FARP1: variants seen among roughly 807,000 people sequenced by gnomAD.
The protein encoded by FARP1 is FERM, ARHGEF and pleckstrin domain-containing protein 1.
In FARP1, 52 loss-of-function variants were observed where a neutral mutation model predicts 128.8. The ratio of observed to expected loss-of-function variants is 0.40; its 90% CI spans 0.32 to 0.51. The LOEUF is 0.51. Ranked by LOEUF, FARP1 falls within the 20% of genes least tolerant of loss-of-function variation. The pLI is 0.45. For synonymous variants in FARP1, 580 were observed against 551.8 expected, an observed-to-expected ratio of 1.05 and a Z score of -0.72; for missense variants, 1,333 against 1,367.9, an observed-to-expected ratio of 0.97 and a Z score of 0.40.
In FARP1 at chr13:98,418,839, G is replaced by A. The variant is rs565566361; in HGVS notation, c.1827-5733G>A. Among the ~76,000 whole-genome samples the A allele has an allele frequency of 1.9e-4, 29 of 152,234 alleles. No individual in the cohort carries two copies. In the East Asian group the frequency reaches 2.7e-3, roughly 14 times the overall value. ...CCCTGTTGATAACAGGAATGATACC[G>A]GGGCTCACCTGGATGCTATCAAACC... On this transcript the variant is annotated intron_variant, in intron 16 of 26. Coordinates refer to ENST00000319562, the MANE Select transcript of FARP1 (RefSeq NM_005766.4).
rs1594197803 is a variant in FARP1 at position 98,147,976 on chromosome 13, G to C, written c.-24+4484G>C. 3.9e-5 allele frequency among the ~76,000 whole-genome samples: 6 copies of C among 152,266 alleles called. No individual in the cohort carries two copies. In the South Asian group the frequency reaches 1.2e-3, roughly 32 times the overall value. ...AGGAAACTTGTTATTAGAATTGATA[G>C]ATTGCAGTTCTGGCAGTTTGATATT... is the stretch of plus-strand genomic sequence containing the variant. On this transcript the variant is annotated intron_variant, in intron 1 of 26. Coordinates refer to ENST00000319562, the MANE Select transcript of FARP1 (RefSeq NM_005766.4).
At chr13:98,334,889 C>A (rs565404053) in intron 2 of FARP1, among the ~76,000 whole-genome samples, 4 of 152,158 alleles carry the variant, frequency 2.6e-5, no homozygotes, top group Non-Finnish European at 5.9e-5. Flanking sequence ...AGACTTCACA[C>A]CCTCCAGAAC....
chr13:98,350,495 C>G (rs571733790), intron 3 of FARP1, among the ~76,000 whole-genome samples: 13 of 152,236 alleles, frequency 8.5e-5, no homozygotes, highest in African/African-American at 3.1e-4. Context: ...CATTATCATT[C>G]ATTCACTGCG....
intron 1 of FARP1, among the ~76,000 whole-genome samples, chr13:98,190,255 T>C (rs1879133980): frequency 1.3e-5 from 2 of 152,256 alleles, no homozygotes; most frequent in African/African-American, 4.8e-5. Flanking sequence ...GGAACAATTA[T>C]GGTGCAAACC....
chr13:98,440,350 G>A (rs1411827048), intron 23 of FARP1, 115 bp downstream of exon 23: 1 of 784,274 alleles, frequency 1.3e-6, no homozygotes, highest in South Asian at 1.5e-5. Context: ...GTACATTTGT[G>A]TTTAAAGCCA....
chr13:98,309,769 T>C (rs1460701817), intron 2 of FARP1, among the ~76,000 whole-genome samples: 1 of 152,248 alleles, frequency 6.6e-6, no homozygotes, highest in Non-Finnish European at 1.5e-5. Context: ...ACTGTGCCTG[T>C]GTAGGCAACA....
chr13:98,170,888 A>C (rs1401294897), intron 1 of FARP1, among the ~76,000 whole-genome samples: 2 of 152,258 alleles, frequency 1.3e-5, no homozygotes, highest in East Asian at 3.9e-4. Context: ...TCTTTGGCTG[A>C]TCCAAGGCAC....
At chr13:98,290,215 A>C (rs1241119677) in intron 2 of FARP1, among the ~76,000 whole-genome samples, 1 of 152,120 alleles carries the variant, frequency 6.6e-6, no homozygotes, top group Non-Finnish European at 1.5e-5. Context: ...TAACTACATC[A>C]TATGCCAGGT....
chr13:98,350,441 C>T (rs1285752124), intron 3 of FARP1, among the ~76,000 whole-genome samples: 1 of 152,182 alleles, frequency 6.6e-6, no homozygotes, highest in Admixed American at 6.5e-5. Flanking sequence ...GACACTGTGC[C>T]TTCGTGTGGC....
intron 16 of FARP1, among the ~76,000 whole-genome samples, chr13:98,415,383 T>A (rs7984221): frequency 3.3e-5 from 5 of 152,130 alleles, no homozygotes; most frequent in South Asian, 2.1e-4. Flanking sequence ...TGCCATAGAC[T>A]GGTTATAACT....
intron 2 of FARP1, among the ~76,000 whole-genome samples, chr13:98,273,594 A>G (rs1409317940): frequency 6.6e-6 from 1 of 152,244 alleles, no homozygotes; most frequent in Non-Finnish European, 1.5e-5. Context: ...GAGCTGTGCA[A>G]GGCCTGGGGC....
At chr13:98,231,620 G>A (rs189268043) in intron 2 of FARP1, among the ~76,000 whole-genome samples, 55 of 151,806 alleles carry the variant, frequency 3.6e-4, no homozygotes, top group Admixed American at 6.6e-4. Context: ...TGTATTTTTA[G>A]TAGAGACAGG....
chr13:98,247,007 C>T (rs1883103819), intron 2 of FARP1, among the ~76,000 whole-genome samples: 2 of 152,184 alleles, frequency 1.3e-5, no homozygotes, highest in Non-Finnish European at 2.9e-5. Flanking sequence ...GGACGGATCA[C>T]CTGAGGTCAG....
At chr13:98,260,233 G>A (rs934882708) in intron 2 of FARP1, among the ~76,000 whole-genome samples, 1 of 152,198 alleles carries the variant, frequency 6.6e-6, no homozygotes, top group Non-Finnish European at 1.5e-5. Flanking sequence ...TGCACAGCAT[G>A]AAGAAGGTAT....
Position 98,176,883 on chromosome 13 carries a change from G to C in FARP1, c.-24+33391G>C, listed in dbSNP as rs376046437. 154 of 1,607,070 alleles carry C rather than the reference G, an allele frequency of 9.6e-5. No individual in the cohort carries two copies. The highest frequency in any genetic ancestry group is 1.1e-4 in the Non-Finnish European group (131 of 1,179,972). ...TGGTCGGCGTATGGTGCTCCTTCTC[G>C]GTGTCCTGCTCGAAGTCAGCGGTGG... On this transcript the variant is annotated intron_variant, in intron 1 of 26. Transcript: ENST00000319562. This position sits in a 1 kb window ranked among gnomAD's most constrained non-coding sequence, Gnocchi z 6.2.
intron 2 of FARP1, among the ~76,000 whole-genome samples, chr13:98,246,221 G>T (rs1388332218): frequency 6.9e-6 from 1 of 144,404 alleles, no homozygotes; most frequent in Non-Finnish European, 1.5e-5. Context: ...TCAGCCTCCC[G>T]AGTAGCTAGG....
rs150679086 is a variant in FARP1, at chr13:98,235,526, C to T, written c.171+22113C>T. ...CCTCTCTCCACAGCGGAGTGATGCC[C>T]GGGTGTGGGATACTCTAGGTAGGAA... On this transcript the variant is annotated intron_variant, in intron 2 of 26. Transcript: ENST00000319562. 2.0e-4 allele frequency among the ~76,000 whole-genome samples: 31 copies of T among 152,120 alleles called. No homozygotes were observed. The East Asian group carries it at 5.4e-3, about 27-fold the overall frequency.
chr13:98,376,656 A>G (rs1251883470), intron 5 of FARP1, among the ~76,000 whole-genome samples: 2 of 151,766 alleles, frequency 1.3e-5, no homozygotes, highest in Non-Finnish European at 2.9e-5. Flanking sequence ...TTGCTGGGTC[A>G]TATGGTAGCT....
chr13:98,310,204 G>A (rs1293743722), intron 2 of FARP1, among the ~76,000 whole-genome samples: 1 of 151,994 alleles, frequency 6.6e-6, no homozygotes, highest in East Asian at 1.9e-4. Flanking sequence ...CCCGACGGCA[G>A]CTTTGACAGT....
Sources: gnomAD v4.1 joint callset for allele counts (sites outside exome capture counted in the v4.1 genomes callset) on GRCh38, gnomAD v4.1.1 for gene constraint, Gnocchi (gnomAD v3.1) non-coding constraint, MANE v1.5 for transcripts, NCBI Gene and HGNC (gene_info 2026-07-23, HGNC 2026-07-21) for gene names.